NFIB: variants seen among roughly 807,000 people sequenced by gnomAD.
NFIB encodes nuclear factor I B.
NFIB carries 11 observed loss-of-function variants against 61.5 expected under a neutral mutation model. The observed-to-expected ratio is 0.18, with a 90% CI of 0.11 to 0.30. NFIB has a LOEUF of 0.30. Ranked by LOEUF, NFIB falls within the 10% of genes least tolerant of loss-of-function variation. The pLI, the probability that NFIB is intolerant of heterozygous loss-of-function variation, is 1.00. For synonymous variants in NFIB, 260 were observed against 216.5 expected (o/e 1.20, Z -1.76); for missense variants, 471 against 608.9 (o/e 0.77, Z 2.38).
intron 10 of NFIB, among the ~76,000 whole-genome samples, chr9:14,109,648 T>C (rs2118981522): frequency 6.6e-6 from 1 of 152,224 alleles, no homozygotes; most frequent in South Asian, 2.1e-4. Context: ...AGACTAGTTC[T>C]AGACTTGAAA....
At chr9:14,192,406 C>A (rs1270775993) in intron 2 of NFIB, among the ~76,000 whole-genome samples, 1 of 152,116 alleles carries the variant, frequency 6.6e-6, no homozygotes, top group East Asian at 1.9e-4. Context: ...TTGAATCTTA[C>A]CTAAATCTCA....
At chr9:14,512,084 A>G in the NFIB span, among the ~76,000 whole-genome samples, 1 of 152,154 alleles carries the variant, frequency 6.6e-6, no homozygotes, top group Non-Finnish European at 1.5e-5. Flanking sequence ...TAATTATTTT[A>G]TATGTATGTT....
Position 14,088,126 on chromosome 9 carries a change from A to C in NFIB, c.*183T>G. On this transcript the variant is annotated 3_prime_UTR_variant, in exon 11 of 11. Transcript: ENST00000380953. ...TTTCTGCCTTTGTGTTGTTTTGTCC[A>C]GTCTTCCTCTTTTCCTTTTTTTTTA... The C allele has an allele frequency of 7.6e-7, 1 of 1,312,956 alleles. No individual in the cohort carries two copies. The highest frequency in any genetic ancestry group is 1.0e-6 in the Non-Finnish European group (1 of 1,003,610). The allele number at this position is 1,312,956 out of a possible 1,614,324, so 81.3% of individuals were successfully genotyped here.
chr9:14,143,537 A>C (rs138304507), intron 6 of NFIB, among the ~76,000 whole-genome samples: 1 of 152,296 alleles, frequency 6.6e-6, no homozygotes, highest in African/African-American at 2.4e-5. Context: ...ATTTAACACT[A>C]ACAGAATAAG....
chr9:14,213,405 G>T (rs778036350), intron 2 of NFIB, among the ~76,000 whole-genome samples: 2 of 152,222 alleles, frequency 1.3e-5, no homozygotes, highest in Non-Finnish European at 2.9e-5. Context: ...CTCCACAGCA[G>T]TGGTTCTTAA....
At chr9:14,466,391 A>C in the NFIB span, among the ~76,000 whole-genome samples, 1 of 152,160 alleles carries the variant, frequency 6.6e-6, no homozygotes, top group South Asian at 2.1e-4. Context: ...CACACTCTGC[A>C]CTGGCACTGG....
intron 1 of NFIB, among the ~76,000 whole-genome samples, chr9:14,334,009 T>C (rs1052535968): frequency 6.6e-6 from 1 of 152,258 alleles, no homozygotes; most frequent in Non-Finnish European, 1.5e-5. Flanking sequence ...CAGCCTTTCA[T>C]GTGACATTCC....
At chr9:14,155,920 G>T (rs1219816972) in intron 3 of NFIB, 27 bp from the exon 4 acceptor site, 6 of 1,362,132 alleles carry the variant, frequency 4.4e-6, no homozygotes, top group South Asian at 1.3e-5. Flanking sequence ...AAGGAAAAAT[G>T]ATCAATATAA....
At chr9:14,232,303 G>C (rs967058397) in intron 2 of NFIB, among the ~76,000 whole-genome samples, 3 of 152,156 alleles carry the variant, frequency 2.0e-5, no homozygotes, top group African/African-American at 7.2e-5. Context: ...TAAAGCATCT[G>C]CTTAGGGATT....
At chr9:14,403,422 G>C (rs1455126270), upstream of NFIB, among the ~76,000 whole-genome samples, 1 of 152,016 alleles carries the variant, frequency 6.6e-6, no homozygotes, top group Non-Finnish European at 1.5e-5. Flanking sequence ...TCCCTTTTTT[G>C]TGGTGCCCAA....
intron 2 of NFIB, among the ~76,000 whole-genome samples, chr9:14,219,734 C>G (rs2051411003): frequency 1.3e-5 from 2 of 152,264 alleles, no homozygotes; most frequent in Non-Finnish European, 2.9e-5. Context: ...AAAGCTTGAG[C>G]AAATAATACT....
the NFIB span, among the ~76,000 whole-genome samples, chr9:14,446,691 C>T: frequency 9.2e-5 from 14 of 151,960 alleles, no homozygotes; most frequent in African/African-American, 2.7e-4. Context: ...TAACAATATC[C>T]GGGCCCATAC....
the NFIB span, among the ~76,000 whole-genome samples, chr9:14,491,380 G>A: frequency 2.0e-3 from 309 of 152,282 alleles, 2 homozygotes; most frequent in African/African-American, 7.1e-3. Flanking sequence ...ATGAATAAGG[G>A]CAAGAAGAAA....
At chr9:14,504,646 G>T in the NFIB span, among the ~76,000 whole-genome samples, 1 of 152,186 alleles carries the variant, frequency 6.6e-6, no homozygotes, top group Non-Finnish European at 1.5e-5. Flanking sequence ...CACTGTTGGT[G>T]TATAGCAGAG....
chr9:14,307,536 G>C lies in NFIB; in HGVS notation c.31-16C>G. On this transcript the variant is annotated splice_polypyrimidine_tract_variant and intron_variant, in intron 1 of 10. Transcript: ENST00000380953. This position sits in a 1 kb window ranked among gnomAD's most constrained non-coding sequence, Gnocchi z 5.3. Reference sequence around the variant, plus strand: ...GAAATTCATCCTGTGGAAGACAGAGGGGTGAGGAAAAGATGTGCATAGTCA... The same window carrying C: ...GAAATTCATCCTGTGGAAGACAGAGCGGTGAGGAAAAGATGTGCATAGTCA... The C allele has an allele frequency of 3.8e-6, 6 of 1,567,166 alleles. No individual in the cohort carries two copies. The highest frequency in any genetic ancestry group is 5.2e-6 in the Non-Finnish European group (6 of 1,156,008).
At chr9:14,108,573 T>C (rs979680199) in intron 10 of NFIB, among the ~76,000 whole-genome samples, 4 of 152,044 alleles carry the variant, frequency 2.6e-5, no homozygotes, top group African/African-American at 4.8e-5. Flanking sequence ...ATTCAAATAA[T>C]AGCATTATAT....
chr9:14,377,570 T>A (rs1334643266), intron 1 of NFIB, among the ~76,000 whole-genome samples: 2 of 152,220 alleles, frequency 1.3e-5, no homozygotes, highest in Admixed American at 6.5e-5. Flanking sequence ...GAAAAGACTC[T>A]GTTAAAGTAG....
At chr9:14,290,416 G>A (rs1007413332) in intron 2 of NFIB, among the ~76,000 whole-genome samples, 2 of 151,944 alleles carry the variant, frequency 1.3e-5, no homozygotes, top group African/African-American at 2.4e-5. Flanking sequence ...TCTACAATAC[G>A]GCAGGTGCGG....
At chr9:14,388,837 T>A (rs1449343183) in intron 1 of NFIB, among the ~76,000 whole-genome samples, 1 of 152,216 alleles carries the variant, frequency 6.6e-6, no homozygotes, top group African/African-American at 2.4e-5. Context: ...TAAAATACAT[T>A]TTCACTATTT....
Sources: gnomAD v4.1 joint callset for allele counts (sites outside exome capture counted in the v4.1 genomes callset) on GRCh38, gnomAD v4.1.1 for gene constraint, Gnocchi (gnomAD v3.1) non-coding constraint, MANE v1.5 for transcripts, NCBI Gene and HGNC (gene_info 2026-07-23, HGNC 2026-07-21) for gene names.